The following NFATC3 variants were observed in gnomAD, a reference collection of about 807,000 sequenced individuals.
NFATC3 encodes the protein nuclear factor of activated T cells 3.
Under a neutral mutation model 98.6 loss-of-function variants are expected in NFATC3, and 46 were observed. The observed-to-expected ratio is 0.47, with a 90% CI of 0.37 to 0.60. The LOEUF is 0.60. NFATC3 is among the 20% of genes least tolerant of loss of function. The pLI is 0.00. For missense variants in NFATC3, 1,256 were observed against 1,295.5 expected (o/e 0.97, Z 0.47); for synonymous variants, 512 against 472.2 (o/e 1.08, Z -1.09).
At chr16:68,188,056 G>T (rs1373051464) in intron 8 of NFATC3, among the ~76,000 whole-genome samples, 1 of 152,178 alleles carries the variant, frequency 6.6e-6, no homozygotes, top group Non-Finnish European at 1.5e-5. Flanking sequence ...AGTCTGGAGG[G>T]GGCTGAGGCG....
chr16:68,123,244 T>TA lies in NFATC3; in HGVS notation c.1238+131dup, dbSNP rs1158108883. 2.2e-5 allele frequency: 22 copies of TA among 1,021,932 alleles called. 1 individual carries two copies. The highest frequency in any genetic ancestry group is 6.1e-5 in the South Asian group (2 of 32,904). The allele number at this position is 1,021,932 out of a possible 1,614,324, so 63.3% of individuals were successfully genotyped here. The stretch of plus-strand genomic sequence containing the variant: ...TGACCATTTCTCCTCTTCCTATTTT[T>TA]AAAAAAAATTTTACCAAATAACTTA... On this transcript the variant is annotated intron_variant, in intron 2 of 9. Transcript: ENST00000346183.
chr16:68,147,260 T>C (rs967934315), intron 3 of NFATC3, among the ~76,000 whole-genome samples: 12 of 152,198 alleles, frequency 7.9e-5, no homozygotes, highest in Admixed American at 2.6e-4. Context: ...GATAACTTAA[T>C]AGGTAATAGC....
In NFATC3 at chr16:68,106,310, G is replaced by A. The variant is rs570131218; in HGVS notation, c.104-15677G>A. On this transcript the variant is annotated intron_variant, in intron 1 of 9. Transcript: ENST00000346183. ...CTTTTCTTTTTCTTTTTTTTTTTTC[G>A]AGATGGAGTTTCACTCTAGTTGCCC... Among the ~76,000 whole-genome samples the A allele has an allele frequency of 2.8e-4, 38 of 134,972 alleles. 1 individual carries two copies. Among genetic ancestry groups the A allele is most frequent in the South Asian group, 6.9e-4 (3 of 4,326 alleles). The allele number at this position is 134,972 out of a possible 152,430, so 88.5% of individuals were successfully genotyped here.
chr16:68,171,274 G>T (rs1598497547), intron 5 of NFATC3, among the ~76,000 whole-genome samples: 1 of 152,128 alleles, frequency 6.6e-6, no homozygotes, highest in East Asian at 1.9e-4. Context: ...CTCCTAAAGT[G>T]CTGGGATTAT....
intron 6 of NFATC3, among the ~76,000 whole-genome samples, chr16:68,180,122 A>G (rs1311826012): frequency 2.6e-5 from 4 of 152,096 alleles, no homozygotes; most frequent in Non-Finnish European, 4.4e-5. Context: ...GGCCTTGTGA[A>G]TTTGGAGGAG....
chr16:68,222,581 A>G (rs1393528596), intron 9 of NFATC3, among the ~76,000 whole-genome samples: 1 of 152,210 alleles, frequency 6.6e-6, no homozygotes, highest in African/African-American at 2.4e-5. Flanking sequence ...CCTGCCTAAA[A>G]TACACACTGT....
At chr16:68,127,411 A>C (rs1267757684) in intron 3 of NFATC3, among the ~76,000 whole-genome samples, 1 of 152,070 alleles carries the variant, frequency 6.6e-6, no homozygotes, top group Non-Finnish European at 1.5e-5. Flanking sequence ...GAATTTTTTA[A>C]GGAAAGAGAT....
At chr16:68,216,533 C>G (rs1199338666) in intron 9 of NFATC3, among the ~76,000 whole-genome samples, 1 of 145,348 alleles carries the variant, frequency 6.9e-6, no homozygotes, top group African/African-American at 2.5e-5. Context: ...AAGAGGTTTT[C>G]TTTTTTTTTT....
chr16:68,108,509 G>A (rs191700759), intron 1 of NFATC3, among the ~76,000 whole-genome samples: 3 of 152,148 alleles, frequency 2.0e-5, no homozygotes, highest in Admixed American at 6.5e-5. Flanking sequence ...GTCGGGTAAC[G>A]TGATGCCTCT....
intron 1 of NFATC3, among the ~76,000 whole-genome samples, chr16:68,104,412 G>GT (rs1055059714): frequency 1.5e-4 from 23 of 152,210 alleles, no homozygotes; most frequent in African/African-American, 5.5e-4. Context: ...ATTAGCTGTA[G>GT]TTTTTTGTAG....
At chr16:68,172,858 A>T (rs1191605488) in intron 5 of NFATC3, among the ~76,000 whole-genome samples, 1 of 152,204 alleles carries the variant, frequency 6.6e-6, no homozygotes, top group Non-Finnish European at 1.5e-5. Context: ...AACTCAAGCA[A>T]TTAAAAGAAA....
chr16:68,098,339 C>T lies in NFATC3; in HGVS notation c.103+12555C>T, dbSNP rs190129116. On this transcript the variant is annotated intron_variant, in intron 1 of 9. Transcript: ENST00000346183. The stretch of plus-strand genomic sequence containing the variant: ...TTTTTTAGATGGAGTCTCACTCTGT[C>T]GCCAGGCTGGAGTGCTGTGATGCAT... Among the ~76,000 whole-genome samples the T allele has an allele frequency of 3.1e-3, 412 of 135,034 alleles. 5 individuals are homozygous for T. Among genetic ancestry groups the T allele is most frequent in the African/African-American group, 0.011 (398 of 34,650 alleles). 88.6% of individuals were successfully genotyped at this position (135,034 alleles called of 152,430 possible).
At chr16:68,089,439 T>A in intron 1 of NFATC3, 1 of 287,278 alleles carries the variant, frequency 3.5e-6, no homozygotes, top group Non-Finnish European at 5.2e-6. Context: ...CTTTCTTATT[T>A]ATTTATTTTT....
chr16:68,209,000 TG>T (rs2041263866), intron 9 of NFATC3, among the ~76,000 whole-genome samples: 1 of 152,358 alleles, frequency 6.6e-6, no homozygotes, highest in East Asian at 1.9e-4. Flanking sequence ...CTAACCTAAT[TG>T]CTCTGGCTAG....
rs2042047910 is a variant in NFATC3 at position 68,226,907 on chromosome 16, AAAAAAAAAAAAAAAAAGAAAAAAAAAG to A, written c.*441_*467del. The A allele has an allele frequency of 7.1e-6, 1 of 141,448 alleles. No individual in the cohort carries two copies. The highest frequency in any genetic ancestry group is 1.6e-5 in the Non-Finnish European group (1 of 63,574). 8.8% of individuals were successfully genotyped at this position (141,448 alleles called of 1,614,324 possible). ...AAGACCTTCTAGAAGCAAAAAAAAA[AAAAAAAAAAAAAAAAAGAAAAAAAAAG>A]AAAAGAAAAAAAGAAAAAGAAAAAA... On this transcript the variant is annotated 3_prime_UTR_variant, in exon 10 of 10. Coordinates refer to ENST00000346183, the MANE Select transcript of NFATC3 (RefSeq NM_173165.3).
At chr16:68,164,670 G>C (rs2039102109) in intron 4 of NFATC3, among the ~76,000 whole-genome samples, 1 of 152,056 alleles carries the variant, frequency 6.6e-6, no homozygotes, top group Non-Finnish European at 1.5e-5. Context: ...ACGAGATCAG[G>C]AGATCGAGAC....
chr16:68,197,726 A>G (rs1186308819), intron 9 of NFATC3, among the ~76,000 whole-genome samples: 3 of 152,240 alleles, frequency 2.0e-5, no homozygotes, highest in Non-Finnish European at 4.4e-5. Context: ...TTTCCACTCT[A>G]CAACCACAGG....
intron 9 of NFATC3, among the ~76,000 whole-genome samples, chr16:68,213,155 C>T (rs971843726): frequency 9.3e-5 from 14 of 150,938 alleles, no homozygotes; most frequent in Non-Finnish European, 1.9e-4. Context: ...GTGGCTCACG[C>T]CTATAATCCC....
chr16:68,136,030 T>A (rs1207310013), intron 3 of NFATC3, among the ~76,000 whole-genome samples: 1 of 151,556 alleles, frequency 6.6e-6, no homozygotes, highest in Non-Finnish European at 1.5e-5. Context: ...GTCATTGCAC[T>A]CCAGCCTGGG....
Sources: allele counts gnomAD v4.1 joint callset (sites outside exome capture counted in the v4.1 genomes callset), GRCh38; gene constraint gnomAD v4.1.1; transcripts MANE v1.5; gene names NCBI Gene and HGNC (gene_info 2026-07-23, HGNC 2026-07-21).